Variants in C18orf63 observed in about 807,000 individuals in gnomAD.
C18orf63 encodes chromosome 18 open reading frame 63.
Under a neutral mutation model 75.3 loss-of-function variants are expected in C18orf63, and 50 were observed. The observed-to-expected ratio is 0.66, with a 90% CI of 0.53 to 0.84. C18orf63 has a LOEUF of 0.84. C18orf63 is among the 40% of genes least tolerant of loss of function. The pLI, the probability that C18orf63 is intolerant of heterozygous loss-of-function variation, is 0.00. For missense variants in C18orf63, 732 were observed against 800.2 expected (o/e 0.91, Z 1.03); for synonymous variants, 232 against 267.6 (o/e 0.87, Z 1.30).
intron 4 of C18orf63, 63 bp downstream of exon 4, chr18:74,322,817 T>TG: frequency 3.6e-6 from 2 of 552,930 alleles, no homozygotes; most frequent in Non-Finnish European, 5.7e-6. Flanking sequence ...GTTCCACTCC[T>TG]TTTGTCAACA....
Position 74,343,564 on chromosome 18 carries a change from A to C in C18orf63, c.840A>C (p.Pro280=), listed in dbSNP as rs1024330115. The change falls in exon 11 of 14, where the codon CCA becomes CCC. Residue 280 remains proline, a synonymous_variant. Transcript: ENST00000579455. ...GAAGTCAGCCCATGCAGTTCTTTCCAAGGGTAGATTCGGAAGTTGTGTTGA... is the reference window on the plus strand; with the variant it reads ...GAAGTCAGCCCATGCAGTTCTTTCCCAGGGTAGATTCGGAAGTTGTGTTGA... The part of the protein sequence containing the change: ...CIRSQPMQFF[P]RVDSEVVLKS... 116 of 1,534,672 alleles carry C rather than the reference A, an allele frequency of 7.6e-5. No homozygotes were observed. Among genetic ancestry groups the C allele is most frequent in the Non-Finnish European group, 9.9e-5 (114 of 1,145,970 alleles).
rs547118467 is a variant in C18orf63 at position 74,323,385 on chromosome 18, A to T, written c.270+631A>T. Reference sequence around the variant, plus strand: ...GAGATGTTGCCTTTAGGTCCTAGGGAAGTAAAATGTCAATAACACTTTCCA... The same window carrying T: ...GAGATGTTGCCTTTAGGTCCTAGGGTAGTAAAATGTCAATAACACTTTCCA... On this transcript the variant is annotated intron_variant, in intron 4 of 13. Coordinates refer to ENST00000579455, the MANE Select transcript of C18orf63 (RefSeq NM_001174123.2). 1.6e-4 allele frequency among the ~76,000 whole-genome samples: 25 copies of T among 152,330 alleles called. No individual in the cohort carries two copies. The South Asian group carries it at 5.2e-3, about 32-fold the overall frequency.
At chr18:74,341,598 G>A (rs1275650302) in intron 8 of C18orf63, among the ~76,000 whole-genome samples, 2 of 151,900 alleles carry the variant, frequency 1.3e-5, no homozygotes, top group East Asian at 3.9e-4. Context: ...TCGCTTGAAC[G>A]ATGGCTTGAA....
intron 4 of C18orf63, among the ~76,000 whole-genome samples, chr18:74,323,684 G>A (rs1219133513): frequency 6.6e-6 from 1 of 152,210 alleles, no homozygotes; most frequent in Non-Finnish European, 1.5e-5. Flanking sequence ...TAAGGCCTAA[G>A]AATAGGTAAC....
intron 13 of C18orf63, 113 bp downstream of exon 13, chr18:74,354,659 C>T (rs1599011266): frequency 1.7e-6 from 1 of 590,460 alleles, no homozygotes; most frequent in African/African-American, 1.9e-5. Context: ...TTCTTTGAAA[C>T]CGTAAAATCA....
intron 2 of C18orf63, among the ~76,000 whole-genome samples, chr18:74,319,743 CT>C (rs907067206): frequency 1.2e-4 from 18 of 151,190 alleles, no homozygotes; most frequent in African/African-American, 2.9e-4. Flanking sequence ...TGCCCACCAC[CT>C]TTTTTTTTAT....
chr18:74,351,706 C>T (rs1323511287), intron 11 of C18orf63, among the ~76,000 whole-genome samples: 1 of 152,136 alleles, frequency 6.6e-6, no homozygotes, highest in Non-Finnish European at 1.5e-5. Flanking sequence ...TTTGTTTATG[C>T]CTAATAGATA....
intron 2 of C18orf63, among the ~76,000 whole-genome samples, chr18:74,319,062 C>G (rs1984074976): frequency 6.6e-6 from 1 of 152,188 alleles, no homozygotes; most frequent in Admixed American, 6.5e-5. Flanking sequence ...TTTTCCCACC[C>G]AGGGGCATCA....
intron 2 of C18orf63, 52 bp from the exon 3 acceptor site, chr18:74,320,461 A>G: frequency 1.6e-6 from 2 of 1,242,562 alleles, no homozygotes; most frequent in Non-Finnish European, 2.2e-6. Context: ...TTGGGTGGGG[A>G]CACAGAACCA....
chr18:74,353,193 A>G (rs1984696469), intron 11 of C18orf63, 53 bp from the exon 12 acceptor site: 1 of 1,107,106 alleles, frequency 9.0e-7, no homozygotes, highest in Non-Finnish European at 1.3e-6. Flanking sequence ...TTTCTTTTCC[A>G]TTAAGGACAT....
At chr18:74,326,523 G>C (rs150972251) in intron 4 of C18orf63, among the ~76,000 whole-genome samples, 1 of 152,084 alleles carries the variant, frequency 6.6e-6, no homozygotes, top group Non-Finnish European at 1.5e-5. Context: ...CCCATACTTC[G>C]CACTGAAAAC....
intron 3 of C18orf63, among the ~76,000 whole-genome samples, chr18:74,321,922 C>G (rs1425289918): frequency 6.6e-6 from 1 of 152,078 alleles, no homozygotes; most frequent in Non-Finnish European, 1.5e-5. Context: ...AACAACCTTT[C>G]CTGGATATCT....
At chr18:74,320,845 A>G (rs7238541) in intron 3 of C18orf63, among the ~76,000 whole-genome samples, 5,616 of 152,230 alleles carry the variant, frequency 0.037, 353 homozygotes, top group African/African-American at 0.13. Context: ...AATGAATAAA[A>G]CATGCTACAG....
intron 8 of C18orf63, among the ~76,000 whole-genome samples, chr18:74,341,625 T>G (rs1984488734): frequency 6.6e-6 from 1 of 151,984 alleles, no homozygotes; most frequent in South Asian, 2.1e-4. Context: ...AAGCAGAGGT[T>G]GCCATGAGCT....
intron 6 of C18orf63, among the ~76,000 whole-genome samples, chr18:74,330,054 T>G (rs1347769897): frequency 3.4e-5 from 4 of 117,272 alleles, no homozygotes; most frequent in Non-Finnish European, 4.1e-5. Flanking sequence ...CAGTGTGCCC[T>G]ACCTCTGGGT....
intron 7 of C18orf63, among the ~76,000 whole-genome samples, chr18:74,334,833 A>G (rs955260458): frequency 1.7e-4 from 26 of 152,168 alleles, no homozygotes; most frequent in African/African-American, 5.8e-4. Flanking sequence ...GATCCAAACC[A>G]ATCTTACTTA....
intron 1 of C18orf63, among the ~76,000 whole-genome samples, 192 bp from the exon 2 acceptor site, chr18:74,317,642 T>A (rs1429799556): frequency 1.3e-5 from 2 of 152,200 alleles, no homozygotes; most frequent in Non-Finnish European, 2.9e-5. Context: ...GTAAAACTTG[T>A]ACCAAAAATC....
chr18:74,355,328 T>C (rs910208035), intron 13 of C18orf63, among the ~76,000 whole-genome samples: 5 of 39,876 alleles, frequency 1.3e-4, no homozygotes, highest in Non-Finnish European at 2.5e-4. Context: ...ATCTTAATAT[T>C]TTAATGCACT....
Position 74,354,463 on chromosome 18 carries a change from G to T in C18orf63, c.2008G>T (p.Asp670Tyr). Residue 670 changes from aspartate to tyrosine, a missense_variant, in exon 13 of 14, where the codon GAC becomes TAC. Asp to Tyr is a radical substitution (Grantham distance 160). Around this residue, in one of 3 missense-constraint regions of C18orf63, gnomAD observed 495 missense variants for 508.7 expected, o/e 0.97. Transcript: ENST00000579455. ...ATTCTTCAATCTAATACAGATACTT[G>T]ACTCGGATAAATCAAAACTTAAGAA... is the stretch of plus-strand genomic sequence containing the variant. ...QSSSSKKQILDSDKSKLKKSL... is the reference protein window; with the variant it reads ...QSSSSKKQILYSDKSKLKKSL... 6.8e-7 allele frequency: 1 copy of T among 1,471,764 alleles called. No individual in the cohort carries two copies. Among genetic ancestry groups the T allele is most frequent in the South Asian group, 1.2e-5 (1 of 82,110 alleles). The allele number at this position is 1,471,764 out of a possible 1,614,324, so 91.2% of individuals were successfully genotyped here. A position where few individuals can be genotyped will look rare whatever the true frequency, so the allele number is the denominator to read the frequency against.
Sources: gnomAD v4.1 joint callset for allele counts (sites outside exome capture counted in the v4.1 genomes callset) on GRCh38, gnomAD v4.1.1 for gene constraint, gnomAD v4.1.1 regional missense constraint, MANE v1.5 for transcripts, NCBI Gene and HGNC (gene_info 2026-07-23, HGNC 2026-07-21) for gene names.